Variants in YOD1 observed in about 807,000 individuals in gnomAD.
YOD1 encodes ubiquitin thioesterase OTU1.
A neutral mutation model predicts 23.7 loss-of-function variants in YOD1; 17 were observed. The observed-to-expected ratio is 0.72, with a 90% confidence interval of 0.49 to 1.07. The LOEUF (loss-of-function observed/expected upper bound fraction) is 1.07, where lower values mean the gene tolerates loss of function less well. Among genes scored for constraint, YOD1 ranks in the 50% least tolerant of loss-of-function variants. The pLI is 0.00. For missense variants in YOD1, 413 were observed against 447.2 expected, an observed-to-expected ratio of 0.92 and a Z score of 0.69; for synonymous variants, 191 against 169.6, an observed-to-expected ratio of 1.13 and a Z score of -0.98.
chr1:207,050,952 C>A lies in YOD1; in HGVS notation c.79G>T (p.Ala27Ser), dbSNP rs541136434. Residue 27 changes from alanine (A) to serine (S), a missense_variant, in exon 1 of 2, where the codon GCC becomes TCC. Transcript: ENST00000315927. ...GFPGGVSQQA[A>S]GTKAGPAGAW... Reference sequence around the variant, plus strand: ...CCCGCGGGGCCAGCTTTGGTCCCGGCAGCCTGTTGGGAGACGCCGCCGGGG... The same window carrying A: ...CCCGCGGGGCCAGCTTTGGTCCCGGAAGCCTGTTGGGAGACGCCGCCGGGG... The A allele has an allele frequency of 4.3e-5, 68 of 1,570,486 alleles. 1 individual carries two copies. The African/African-American group carries it at 8.0e-4, about 18-fold the overall frequency.
At position 207,047,138 on chromosome 1, in the gene YOD1, A is replaced by G. The variant is rs1682619153; in HGVS notation, c.*1882T>C. 2.0e-5 allele frequency: 3 copies of G among 152,552 alleles called. No homozygotes were observed. Among genetic ancestry groups the G allele is most frequent in the Admixed American group, 2.0e-4 (3 of 15,282 alleles). The allele number at this position is 152,552 out of a possible 1,614,324, so 9.4% of individuals were successfully genotyped here. A position where few individuals can be genotyped will look rare whatever the true frequency, so the allele number is the denominator to read the frequency against. On this transcript the variant is annotated 3_prime_UTR_variant, in exon 2 of 2. Coordinates refer to ENST00000315927, the MANE Select transcript of YOD1 (RefSeq NM_018566.4). ...AGAGTCAGGTGTGGAGAGATTTTCA[A>G]TCCCATTAATTTGAACACATTATGA...
In YOD1 at chr1:207,048,488, TTCA is replaced by T. The variant is rs1682650870; in HGVS notation, c.*529_*531del. 6.5e-6 allele frequency: 1 copy of T among 154,242 alleles called. No homozygotes were observed. Among genetic ancestry groups the T allele is most frequent in the South Asian group, 2.0e-4 (1 of 4,932 alleles). 9.6% of individuals were successfully genotyped at this position (154,242 alleles called of 1,614,324 possible). ...ATTCATAATTTAGAAACTTAACTCA[TTCA>T]GAGTTTTTAAAAAGACTCAGTTACT... On this transcript the variant is annotated 3_prime_UTR_variant, in exon 2 of 2. Coordinates refer to ENST00000315927, the MANE Select transcript of YOD1 (RefSeq NM_018566.4).
Position 207,049,027 on chromosome 1 carries a change from T to C in YOD1, c.1040A>G (p.Glu347Gly), listed in dbSNP as rs2102325956. 6.2e-7 allele frequency: 1 copy of C among 1,613,154 alleles called. No individual in the cohort carries two copies. The highest frequency in any genetic ancestry group is 8.5e-7 in the Non-Finnish European group (1 of 1,179,516). Residue 347 changes from glutamate to glycine, a missense_variant, in exon 2 of 2, where the codon GAA (glutamate) becomes GGA (glycine). By Grantham distance (98) the Glu-to-Gly change is moderately conservative. Transcript: ENST00000315927. ...CCCTCATTCATGCATAGGTCACACT[T>C]CTCCAAAGTTGGTATGGCCTGTCTC... ...AKETGHTNFG[E>G]V
Position 207,050,750 on chromosome 1 carries a change from G to A in YOD1, c.281C>T (p.Pro94Leu), listed in dbSNP as rs773378962. 1 of 1,613,298 alleles carries A rather than the reference G, an allele frequency of 6.2e-7. No homozygotes were observed. Among genetic ancestry groups the A allele is most frequent in the African/African-American group, 1.3e-5 (1 of 74,956 alleles). The change falls in exon 1 of 2, where the codon CCT becomes CTT. Residue 94 changes from proline to leucine, a missense_variant. Coordinates refer to ENST00000315927, the MANE Select transcript of YOD1 (RefSeq NM_018566.4). ...PGGQRILVGY[P>L]PECLDLSNGD... ...ATTGCTGAGATCCAGGCACTCGGGA[G>A]GGTATCCGACGAGGATTCGCTGACC...
upstream of YOD1, among the ~76,000 whole-genome samples, chr1:207,051,391 C>G (rs559224017): frequency 9.2e-5 from 14 of 152,312 alleles, no homozygotes; most frequent in South Asian, 2.7e-3. Context: ...GTTCACAACG[C>G]AAACGAATGC....
Position 207,050,782 on chromosome 1 carries a change from G to C in YOD1, c.249C>G (p.Ala83=). 1.2e-6 allele frequency: 2 copies of C among 1,613,490 alleles called. No homozygotes were observed. The highest frequency in any genetic ancestry group is 1.7e-6 in the Non-Finnish European group (2 of 1,180,030). The part of the protein sequence containing the change: ...QGQIAAITGI[A]PGGQRILVGY... ...CGACGAGGATTCGCTGACCGCCGGGGGCGATCCCGGTGATGGCGGCAATTT... is the reference window on the plus strand; with the variant it reads ...CGACGAGGATTCGCTGACCGCCGGGCGCGATCCCGGTGATGGCGGCAATTT... The change falls in exon 1 of 2, where the codon GCC becomes GCG. Residue 83 remains alanine, a synonymous_variant. Coordinates refer to ENST00000315927, the MANE Select transcript of YOD1 (RefSeq NM_018566.4).
At position 207,049,619 on chromosome 1, in the gene YOD1, T is replaced by C; in HGVS notation, c.448A>G (p.Thr150Ala). Residue 150 changes from threonine to alanine, a missense_variant, in exon 2 of 2, where the codon ACC becomes GCC. Coordinates refer to ENST00000315927, the MANE Select transcript of YOD1 (RefSeq NM_018566.4). ...TTGTCTGCTGGGACCACGGTTCTGGTAAGCACAGGCAAAGTTTCCCTGACG... is the reference window on the plus strand; with the variant it reads ...TTGTCTGCTGGGACCACGGTTCTGGCAAGCACAGGCAAAGTTTCCCTGACG... ...SYVRETLPVL[T>A]RTVVPADNSC... is the part of the protein sequence containing the mutation. 1 of 1,614,216 alleles carries C rather than the reference T, an allele frequency of 6.2e-7. No individual in the cohort carries two copies. Among genetic ancestry groups the C allele is most frequent in the Non-Finnish European group, 8.5e-7 (1 of 1,180,040 alleles).
At chr1:207,052,277 A>G (rs1405451535), upstream of YOD1, 4 of 1,562,836 alleles carry the variant, frequency 2.6e-6, no homozygotes, top group Non-Finnish European at 2.6e-6. Flanking sequence ...TTGCTGGTGC[A>G]ATTTTCCTCC....
In YOD1 at chr1:207,047,332, T is replaced by C. The variant is rs1021270215; in HGVS notation, c.*1688A>G. 1.3e-5 allele frequency: 2 copies of C among 152,584 alleles called. No homozygotes were observed. Among genetic ancestry groups the C allele is most frequent in the African/African-American group, 4.8e-5 (2 of 41,466 alleles). The allele number at this position is 152,584 out of a possible 1,614,324, so 9.5% of individuals were successfully genotyped here. A position where few individuals can be genotyped will look rare whatever the true frequency, so the allele number is the denominator to read the frequency against. The stretch of plus-strand genomic sequence containing the variant: ...GTCATCTGACAATTTCAAACAAACT[T>C]TGTGAATTGTTCCTTAAAAGTTCTT... On this transcript the variant is annotated 3_prime_UTR_variant, in exon 2 of 2. Coordinates refer to ENST00000315927, the MANE Select transcript of YOD1 (RefSeq NM_018566.4).
upstream of YOD1, among the ~76,000 whole-genome samples, chr1:207,051,966 G>C (rs77048645): frequency 1.3e-3 from 195 of 152,350 alleles, no homozygotes; most frequent in African/African-American, 4.5e-3. Context: ...GGAGATAACT[G>C]TTTGAACTTT....
At chr1:207,052,223 G>A (rs566353124), upstream of YOD1, 408 of 1,612,514 alleles carry the variant, frequency 2.5e-4, 5 homozygotes, top group South Asian at 4.2e-3. Context: ...TAAATTATAT[G>A]TAATGTTTCC....
Position 207,051,003 on chromosome 1 carries a change from A to G in YOD1, c.28T>C (p.Phe10Leu). MFGPAKGRH[F>L]GVHPAPGFPG... ...AAACCAGGCGCCGGGTGGACTCCAAAATGGCGACCTTTAGCGGGGCCAAAC... is the reference window on the plus strand; with the variant it reads ...AAACCAGGCGCCGGGTGGACTCCAAGATGGCGACCTTTAGCGGGGCCAAAC... The change falls in exon 1 of 2, where the codon TTT becomes CTT. Residue 10 changes from phenylalanine to leucine, a missense_variant. Coordinates refer to ENST00000315927, the MANE Select transcript of YOD1 (RefSeq NM_018566.4). The G allele has an allele frequency of 1.3e-6, 2 of 1,525,750 alleles. No homozygotes were observed. The highest frequency in any genetic ancestry group is 1.4e-5 in the African/African-American group (1 of 72,224). 94.5% of individuals were successfully genotyped at this position (1,525,750 alleles called of 1,614,324 possible). A position where few individuals can be genotyped will look rare whatever the true frequency, so the allele number is the denominator to read the frequency against.
upstream of YOD1, among the ~76,000 whole-genome samples, chr1:207,051,543 A>G (rs1682752583): frequency 6.6e-6 from 1 of 152,102 alleles, no homozygotes; most frequent in East Asian, 1.9e-4. Flanking sequence ...GTGCTTGAAA[A>G]CGTCTATTTG....
At chr1:207,052,446 G>A, upstream of YOD1, 9 of 476,316 alleles carry the variant, frequency 1.9e-5, no homozygotes, top group South Asian at 9.6e-5. Flanking sequence ...TGAATCACCC[G>A]AGGTCAGAAG....
chr1:207,048,331 A>G lies in YOD1; in HGVS notation c.*689T>C, dbSNP rs1352845358. ...TTCCTGTTTTGTGATAACATTCTCAAGGATGAGACTCATCCCTGTAAAAAT... is the reference window on the plus strand; with the variant it reads ...TTCCTGTTTTGTGATAACATTCTCAGGGATGAGACTCATCCCTGTAAAAAT... On this transcript the variant is annotated 3_prime_UTR_variant, in exon 2 of 2. Coordinates refer to ENST00000315927, the MANE Select transcript of YOD1 (RefSeq NM_018566.4). 6.5e-6 allele frequency: 1 copy of G among 152,744 alleles called. No homozygotes were observed. The highest frequency in any genetic ancestry group is 2.4e-5 in the African/African-American group (1 of 41,476). 9.5% of individuals were successfully genotyped at this position (152,744 alleles called of 1,614,324 possible).
Position 207,049,107 on chromosome 1 carries a change from G to C in YOD1, c.960C>G (p.Cys320Trp). Residue 320 changes from cysteine to tryptophan, a missense_variant, in exon 2 of 2, where the codon TGC becomes TGG. Physicochemically the swap from Cys to Trp is radical, Grantham distance 215 (BLOSUM62 -2). Coordinates refer to ENST00000315927, the MANE Select transcript of YOD1 (RefSeq NM_018566.4). Reference sequence around the variant, plus strand: ...CAGTTAATCCTTTCTGACATACCATGCATCTCAGGGTGAAGCGGTTGACAT... The same window carrying C: ...CAGTTAATCCTTTCTGACATACCATCCATCTCAGGGTGAAGCGGTTGACAT... The part of the protein sequence containing the change: ...FTDVNRFTLR[C>W]MVCQKGLTGQ... The C allele has an allele frequency of 6.2e-7, 1 of 1,613,904 alleles. No individual in the cohort carries two copies. Among genetic ancestry groups the C allele is most frequent in the Non-Finnish European group, 8.5e-7 (1 of 1,179,998 alleles).
At position 207,046,682 on chromosome 1, in the gene YOD1, CACTT is replaced by C. The variant is rs1245552074; in HGVS notation, c.*2334_*2337del. The C allele has an allele frequency of 2.0e-5, 3 of 152,074 alleles. No individual in the cohort carries two copies. The highest frequency in any genetic ancestry group is 1.9e-4 in the East Asian group (1 of 5,206). The allele number at this position is 152,074 out of a possible 1,614,324, so 9.4% of individuals were successfully genotyped here. On this transcript the variant is annotated 3_prime_UTR_variant, in exon 2 of 2. Coordinates refer to ENST00000315927, the MANE Select transcript of YOD1 (RefSeq NM_018566.4). ...TAAGATCCCCTGAATAAATACTTGA[CACTT>C]AATATGTAAACAAAGCCCTTACAAT...
upstream of YOD1, chr1:207,052,195 A>G (rs752563831): frequency 8.7e-6 from 14 of 1,612,654 alleles, no homozygotes; most frequent in African/African-American, 2.7e-5. Flanking sequence ...CTCCACTGTA[A>G]AAGACTTTGC....
At chr1:207,052,362 T>G (rs1446748789), upstream of YOD1, 16 of 774,702 alleles carry the variant, frequency 2.1e-5, no homozygotes, top group Non-Finnish European at 2.8e-5. Context: ...GTAGGAGTGG[T>G]TAGAAGTCCA....
Sources: gnomAD v4.1 joint callset for allele counts (sites outside exome capture counted in the v4.1 genomes callset) on GRCh38, gnomAD v4.1.1 for gene constraint, MANE v1.5 for transcripts, NCBI Gene and HGNC (gene_info 2026-07-23, HGNC 2026-07-21) for gene names.